The following EDA2R variants were observed in gnomAD, a reference collection of about 807,000 sequenced individuals.
EDA2R encodes ectodysplasin A2 receptor, also known as tumor necrosis factor receptor superfamily member 27.
In EDA2R, 26 loss-of-function variants were observed where a neutral mutation model predicts 20.1. The ratio of observed to expected loss-of-function variants is 1.30; its 90% CI spans 0.95 to 1.80. The LOEUF (loss-of-function observed/expected upper bound fraction) is 1.80, where lower values mean the gene tolerates loss of function less well. Ranked by LOEUF, EDA2R falls within the 40% of genes most tolerant of loss-of-function variation. EDA2R has a pLI of 0.00. For synonymous variants in EDA2R, 114 were observed against 88.7 expected (o/e 1.29, Z -1.60); for missense variants, 277 against 228.7 (o/e 1.21, Z -1.36).
intron 2 of EDA2R, among the ~76,000 whole-genome samples, chrX:66,614,547 G>A (rs927561857): frequency 8.9e-6 from 1 of 111,888 alleles, no homozygotes; most frequent in African/African-American, 3.2e-5. Context: ...TTAATGTCCA[G>A]CATGACCTTA....
Position 66,615,975 on chromosome X carries a change from C to T in EDA2R, c.46G>A (p.Val16Ile), listed in dbSNP as rs745795085. ...CCAGGACCACACCGTTGGCAGGTGA[C>T]ACACCGTCCCCATTGGTCCCAGTAC... ...NEYWDQWGRC[V>I]TCQRCGPGQE... The change falls in exon 2 of 7, where the codon GTC (valine) becomes ATC (isoleucine). Residue 16 changes from valine (V) to isoleucine (I), a missense_variant. Val to Ile is a conservative substitution (Grantham distance 29, BLOSUM62 3). Transcript: ENST00000374719. 1.4e-5 allele frequency: 17 copies of T among 1,210,658 alleles called. No homozygotes were observed. The South Asian group carries it at 3.0e-4, about 21-fold the overall frequency.
At chrX:66,600,649 A>G (rs183283519) in intron 5 of EDA2R, among the ~76,000 whole-genome samples, 9 of 112,095 alleles carry the variant, frequency 8.0e-5, no homozygotes, top group Non-Finnish European at 1.7e-4. Context: ...AACTGTGATA[A>G]TAAGCTACTA....
Position 66,605,761 on chromosome X carries a change from T to C in EDA2R, c.88-535A>G, listed in dbSNP as rs184648315. 1.1e-3 allele frequency among the ~76,000 whole-genome samples: 122 copies of C among 112,338 alleles called. 1 individual carries two copies. Among genetic ancestry groups the C allele is most frequent in the African/African-American group, 3.7e-3 (114 of 30,937 alleles). On this transcript the variant is annotated intron_variant, in intron 2 of 6. Coordinates refer to ENST00000374719, the MANE Select transcript of EDA2R (RefSeq NM_021783.5). ...CATGATCATTAATAACTACAACAGG[T>C]ACAAGAAAATGCAATTCTACAATGT...
intron 2 of EDA2R, among the ~76,000 whole-genome samples, chrX:66,607,387 T>C (rs1929876956): frequency 8.9e-6 from 1 of 111,839 alleles, no homozygotes; most frequent in South Asian, 3.7e-4. Flanking sequence ...TCTACAAAAA[T>C]AGTTTGGAAA....
Position 66,595,846 on chromosome X carries a change from G to T in EDA2R, c.*2258C>A, listed in dbSNP as rs1927346877. On this transcript the variant is annotated 3_prime_UTR_variant, in exon 7 of 7. Transcript: ENST00000374719. ...TAGCTAGTAGGGTGGGGTTGGTAGA[G>T]AGGAGTGGGACAGGAGGGATTATGA... is the stretch of plus-strand genomic sequence containing the variant. 9.0e-6 allele frequency: 1 copy of T among 110,863 alleles called. No homozygotes were observed. Among genetic ancestry groups the T allele is most frequent in the South Asian group, 3.9e-4 (1 of 2,558 alleles). 9.1% of individuals were successfully genotyped at this position (110,863 alleles called of 1,213,427 possible). A position where few individuals can be genotyped will look rare whatever the true frequency, so the allele number is the denominator to read the frequency against.
At chrX:66,621,477 T>C (rs187261818) in intron 1 of EDA2R, among the ~76,000 whole-genome samples, 39 of 112,274 alleles carry the variant, frequency 3.5e-4, no homozygotes, top group Admixed American at 3.4e-3. Flanking sequence ...TTATTTATAA[T>C]AGCCAAAAAG....
intron 2 of EDA2R, among the ~76,000 whole-genome samples, chrX:66,615,174 TTTTG>T (rs1010268178): frequency 8.9e-6 from 1 of 112,233 alleles, no homozygotes; most frequent in African/African-American, 3.2e-5. Context: ...AGGCAAATAT[TTTTG>T]TTTGTTCTGC....
chrX:66,610,000 A>G (rs928228020), intron 2 of EDA2R, among the ~76,000 whole-genome samples: 3 of 111,516 alleles, frequency 2.7e-5, no homozygotes, highest in African/African-American at 6.5e-5. Context: ...CTGCAACACG[A>G]AGTCCAGAAG....
At chrX:66,631,143 G>C (rs1246188995) in intron 1 of EDA2R, among the ~76,000 whole-genome samples, 1 of 110,328 alleles carries the variant, frequency 9.1e-6, no homozygotes, top group African/African-American at 3.3e-5. Flanking sequence ...CCACTGATAT[G>C]TGGGAGCTAA....
At chrX:66,600,476 C>G (rs1928378650) in intron 5 of EDA2R, among the ~76,000 whole-genome samples, 1 of 111,776 alleles carries the variant, frequency 8.9e-6, no homozygotes, top group South Asian at 3.8e-4. Flanking sequence ...GACCTAAGTC[C>G]TTTAACTGCA....
In EDA2R at chrX:66,596,648, C is replaced by A. The variant is rs1232708636; in HGVS notation, c.*1456G>T. The A allele has an allele frequency of 1.8e-5, 2 of 111,247 alleles. No homozygotes were observed. The highest frequency in any genetic ancestry group is 6.6e-5 in the African/African-American group (2 of 30,524). 9.2% of individuals were successfully genotyped at this position (111,247 alleles called of 1,213,427 possible). On this transcript the variant is annotated 3_prime_UTR_variant, in exon 7 of 7. Coordinates refer to ENST00000374719, the MANE Select transcript of EDA2R (RefSeq NM_021783.5). ...TTGAACACCTGCAGCCTGCTGAAGCCAAATCATCCCCTGTCTGGATATTAT... is the reference window on the plus strand; with the variant it reads ...TTGAACACCTGCAGCCTGCTGAAGCAAAATCATCCCCTGTCTGGATATTAT...
chrX:66,625,430 G>T (rs1250368651), intron 1 of EDA2R, among the ~76,000 whole-genome samples: 1 of 110,759 alleles, frequency 9.0e-6, no homozygotes, highest in African/African-American at 3.3e-5. Flanking sequence ...TGACTCAGCA[G>T]AAGCAGCCAT....
intron 1 of EDA2R, among the ~76,000 whole-genome samples, chrX:66,628,435 C>T (rs1315382131): frequency 2.7e-5 from 3 of 110,392 alleles, no homozygotes; most frequent in Non-Finnish European, 1.9e-5. Flanking sequence ...AATTGATAGA[C>T]CATTAGCAAG....
At chrX:66,618,639 C>T (rs1054016299) in intron 1 of EDA2R, among the ~76,000 whole-genome samples, 1 of 111,821 alleles carries the variant, frequency 8.9e-6, no homozygotes, top group Non-Finnish European at 1.9e-5. Context: ...TAGCCCTGCA[C>T]CTGGCACAGA....
At chrX:66,627,844 A>C (rs1487263949) in intron 1 of EDA2R, among the ~76,000 whole-genome samples, 1 of 111,984 alleles carries the variant, frequency 8.9e-6, no homozygotes, top group Non-Finnish European at 1.9e-5. Flanking sequence ...GAATTAACAG[A>C]TATATACAGA....
At chrX:66,610,617 T>G (rs1346251302) in intron 2 of EDA2R, among the ~76,000 whole-genome samples, 1 of 111,923 alleles carries the variant, frequency 8.9e-6, no homozygotes, top group Admixed American at 9.5e-5. Flanking sequence ...TCAGAAAACA[T>G]TTTTGAAGCA....
intron 1 of EDA2R, among the ~76,000 whole-genome samples, chrX:66,626,351 A>G (rs1933075291): frequency 8.9e-6 from 1 of 112,165 alleles, no homozygotes; most frequent in Non-Finnish European, 1.9e-5. Flanking sequence ...CAATGGACAA[A>G]CTTTTAGAAA....
chrX:66,602,300 C>T (rs1167536737), intron 5 of EDA2R, among the ~76,000 whole-genome samples: 1 of 111,448 alleles, frequency 9.0e-6, no homozygotes, highest in Non-Finnish European at 1.9e-5. Context: ...GATGACTTGT[C>T]TAAGGTTACA....
intron 2 of EDA2R, among the ~76,000 whole-genome samples, chrX:66,606,244 C>T (rs962918576): frequency 2.7e-5 from 3 of 111,975 alleles, no homozygotes; most frequent in African/African-American, 9.8e-5. Context: ...GTTCACTTAA[C>T]CTATTCTTTA....
Sources: gnomAD v4.1 joint callset for allele counts (sites outside exome capture counted in the v4.1 genomes callset) on GRCh38, gnomAD v4.1.1 for gene constraint, MANE v1.5 for transcripts, NCBI Gene and HGNC (gene_info 2026-07-23, HGNC 2026-07-21) for gene names.